Variants in PDE4D observed in about 807,000 individuals in gnomAD.
The protein encoded by PDE4D is phosphodiesterase 4D.
PDE4D carries 24 observed loss-of-function variants against 87.4 expected under a neutral mutation model. The ratio of observed to expected loss-of-function variants is 0.27; its 90% CI spans 0.20 to 0.39. The LOEUF is 0.39. Ranked by LOEUF, PDE4D falls within the 10% of genes least tolerant of loss-of-function variation. The probability of loss-of-function intolerance (pLI) is 1.00; values close to 1 mark genes in which losing one functional copy is unlikely to be tolerated. For missense variants in PDE4D, 714 were observed against 1,041.0 expected, an observed-to-expected ratio of 0.69 and a Z score of 4.32; for synonymous variants, 384 against 383.2, an observed-to-expected ratio of 1.00 and a Z score of -0.02.
At chr5:60,048,816 A>G (rs1485421195) in intron 2 of PDE4D, among the ~76,000 whole-genome samples, 4 of 151,520 alleles carry the variant, frequency 2.6e-5, no homozygotes, top group Non-Finnish European at 2.9e-5. Context: ...CTTCATTTCA[A>G]CTTTGGTGAA....
intron 1 of PDE4D, among the ~76,000 whole-genome samples, chr5:59,262,663 T>C (rs1340891228): frequency 1.3e-5 from 2 of 151,904 alleles, no homozygotes; most frequent in African/African-American, 4.8e-5. Flanking sequence ...TCTGCTCATA[T>C]GTGACAACTG....
chr5:59,567,224 G>A (rs914974645), intron 1 of PDE4D, among the ~76,000 whole-genome samples: 2 of 152,150 alleles, frequency 1.3e-5, no homozygotes, highest in African/African-American at 2.4e-5. Context: ...AAGCCAAATC[G>A]CTGCTTTCCT....
chr5:60,502,200 C>T, intron 1 of PDE4D, among the ~76,000 whole-genome samples: 1 of 151,952 alleles, frequency 6.6e-6, no homozygotes, highest in Non-Finnish European at 1.5e-5. Context: ...GGAAGGGATC[C>T]AGTTTCAGCT....
intron 6 of PDE4D, among the ~76,000 whole-genome samples, chr5:58,996,893 G>A (rs933730056): frequency 6.6e-6 from 1 of 152,124 alleles, no homozygotes; most frequent in African/African-American, 2.4e-5. Flanking sequence ...CATCCTGCAT[G>A]TTCATCTTTC....
At chr5:59,569,517 T>C (rs1378307869) in intron 1 of PDE4D, among the ~76,000 whole-genome samples, 3 of 152,188 alleles carry the variant, frequency 2.0e-5, no homozygotes, top group African/African-American at 7.2e-5. Context: ...TTATGATTTT[T>C]TATCATTGCA....
At chr5:59,689,970 G>GAGAATAAAACAC (rs1750627999) in intron 1 of PDE4D, among the ~76,000 whole-genome samples, 1 of 152,142 alleles carries the variant, frequency 6.6e-6, no homozygotes, top group African/African-American at 2.4e-5. Flanking sequence ...ATTCACAATT[G>GAGAATAAAACAC]CTTCAAAGAG....
intron 1 of PDE4D, among the ~76,000 whole-genome samples, chr5:60,463,684 G>C (rs1298669264): frequency 6.6e-6 from 1 of 152,162 alleles, no homozygotes; most frequent in African/African-American, 2.4e-5. Context: ...ATGCCCTCTT[G>C]CTGTTTTTCT....
chr5:59,077,088 A>G (rs911732443), intron 5 of PDE4D, among the ~76,000 whole-genome samples: 1 of 152,156 alleles, frequency 6.6e-6, no homozygotes, highest in Non-Finnish European at 1.5e-5. Flanking sequence ...ATGCTATATG[A>G]CAATTGGTCA....
chr5:59,580,319 C>A (rs1823878875), intron 1 of PDE4D, among the ~76,000 whole-genome samples: 1 of 152,048 alleles, frequency 6.6e-6, no homozygotes, highest in Admixed American at 6.5e-5. Context: ...ATAAGAAATT[C>A]TCAGAAAGTT....
chr5:59,505,067 C>A (rs960872856), intron 1 of PDE4D, among the ~76,000 whole-genome samples: 1 of 152,056 alleles, frequency 6.6e-6, no homozygotes, highest in Non-Finnish European at 1.5e-5. Context: ...ACAATGGATA[C>A]AACAGTTTCA....
chr5:59,381,826 A>AGGTGT (rs1785929860), intron 1 of PDE4D, among the ~76,000 whole-genome samples: 2 of 151,414 alleles, frequency 1.3e-5, no homozygotes, highest in African/African-American at 4.8e-5. Context: ...CTAACTTAAC[A>AGGTGT]TGTTTCAGAA....
intron 5 of PDE4D, among the ~76,000 whole-genome samples, chr5:59,060,247 G>T (rs543539898): frequency 6.6e-6 from 1 of 152,124 alleles, no homozygotes; most frequent in Non-Finnish European, 1.5e-5. Flanking sequence ...GAAAGAGCAC[G>T]TGTCCTTGAA....
At chr5:60,200,677 T>C (rs1476831982) in intron 1 of PDE4D, among the ~76,000 whole-genome samples, 1 of 152,134 alleles carries the variant, frequency 6.6e-6, no homozygotes, top group Non-Finnish European at 1.5e-5. Flanking sequence ...TCACTCTCCT[T>C]GCTCCCAAAT....
At chr5:59,584,746 C>T (rs958446836) in intron 1 of PDE4D, among the ~76,000 whole-genome samples, 1 of 152,090 alleles carries the variant, frequency 6.6e-6, no homozygotes, top group Non-Finnish European at 1.5e-5. Flanking sequence ...TTAGGTAGAA[C>T]AAAAACTGTT....
chr5:60,182,009 G>C (rs1428601676), intron 2 of PDE4D, among the ~76,000 whole-genome samples: 1 of 152,114 alleles, frequency 6.6e-6, no homozygotes, highest in East Asian at 1.9e-4. Context: ...ATTAGCAGAG[G>C]GAAGAAGGGT....
chr5:60,308,930 T>C (rs779386169), intron 1 of PDE4D, among the ~76,000 whole-genome samples: 1 of 152,044 alleles, frequency 6.6e-6, no homozygotes, highest in Non-Finnish European at 1.5e-5. Context: ...AGTGATAAAC[T>C]CTTCTCCGAA....
chr5:59,351,482 C>T (rs1780526074), intron 1 of PDE4D, among the ~76,000 whole-genome samples: 1 of 152,124 alleles, frequency 6.6e-6, no homozygotes, highest in Admixed American at 6.6e-5. Context: ...AGACATGACA[C>T]AGGATGGAGT....
At chr5:59,165,314 T>C (rs1175658446) in intron 5 of PDE4D, among the ~76,000 whole-genome samples, 1 of 152,210 alleles carries the variant, frequency 6.6e-6, no homozygotes, top group East Asian at 1.9e-4. Flanking sequence ...TCCTCTGTTA[T>C]CCAGGCTGGA....
intron 1 of PDE4D, among the ~76,000 whole-genome samples, chr5:59,445,326 C>G (rs1435581958): frequency 6.6e-6 from 1 of 152,068 alleles, no homozygotes. Context: ...GAAACATATC[C>G]AGTTTATGCT....
Sources: gnomAD v4.1 joint callset for allele counts (sites outside exome capture counted in the v4.1 genomes callset) on GRCh38, gnomAD v4.1.1 for gene constraint, MANE v1.5 for transcripts, NCBI Gene and HGNC (gene_info 2026-07-23, HGNC 2026-07-21) for gene names.